DOCK9: variants seen among roughly 807,000 people sequenced by gnomAD.
DOCK9 encodes dedicator of cytokinesis protein 9.
In DOCK9, 89 loss-of-function variants were observed where a neutral mutation model predicts 263.3. The ratio of observed to expected loss-of-function variants is 0.34; its 90% CI spans 0.28 to 0.40. The LOEUF (loss-of-function observed/expected upper bound fraction) is 0.40, where lower values mean the gene tolerates loss of function less well. Among genes scored for constraint, DOCK9 ranks in the 10% least tolerant of loss-of-function variants. DOCK9 has a pLI of 1.00. For synonymous variants in DOCK9, 976 were observed against 973.1 expected (o/e 1.00, Z -0.06); for missense variants, 2,140 against 2,603.4 (o/e 0.82, Z 3.87).
At chr13:98,956,620 G>A (rs1234594584) in intron 1 of DOCK9, among the ~76,000 whole-genome samples, 1 of 152,026 alleles carries the variant, frequency 6.6e-6, no homozygotes, top group Non-Finnish European at 1.5e-5. Context: ...GGTGGCATAC[G>A]CTTGTAATCC....
intron 30 of DOCK9, among the ~76,000 whole-genome samples, chr13:98,866,123 CT>C (rs2094014196): frequency 6.6e-6 from 1 of 152,156 alleles, no homozygotes; most frequent in African/African-American, 2.4e-5. Flanking sequence ...GCCACCCTGT[CT>C]CAAATGTCAC....
At chr13:99,082,519 CAA>C (rs201597103) in intron 1 of DOCK9, among the ~76,000 whole-genome samples, 14 of 134,764 alleles carry the variant, frequency 1.0e-4, no homozygotes, top group Non-Finnish European at 1.8e-4. Context: ...GACTCCATCT[CAA>C]AAAAATAATA....
rs2091177108 is a variant in DOCK9 at position 98,810,212 on chromosome 13, T to C, written c.5210A>G (p.Tyr1737Cys). Residue 1737 changes from tyrosine to cysteine, a missense_variant, in exon 46 of 53, where the codon TAC becomes TGC. Transcript: ENST00000682017. ...CTCATAAATGGGGATGATAAGTTTG[T>C]AGATGTCGGCGATGAGCTCGTAGCG... ...AERYELIADI[Y>C]KLIIPIYEKR... The C allele has an allele frequency of 6.2e-7, 1 of 1,613,978 alleles. No individual in the cohort carries two copies. The highest frequency in any genetic ancestry group is 1.3e-5 in the African/African-American group (1 of 75,062).
intron 6 of DOCK9, 57 bp from the exon 7 acceptor site, chr13:98,921,145 T>G: frequency 9.9e-6 from 15 of 1,519,482 alleles, no homozygotes; most frequent in Non-Finnish European, 1.2e-5. Flanking sequence ...TCACAATCTC[T>G]ATCAATAACC....
rs1329338484 is a variant in DOCK9, at chr13:98,925,723, A to G, written c.416+114T>C. 4 of 665,688 alleles carry G rather than the reference A, an allele frequency of 6.0e-6. No individual in the cohort carries two copies. The South Asian group carries it at 7.0e-5, about 12-fold the overall frequency. 41.2% of individuals were successfully genotyped at this position (665,688 alleles called of 1,614,324 possible). A position where few individuals can be genotyped will look rare whatever the true frequency, so the allele number is the denominator to read the frequency against. Reference sequence around the variant, plus strand: ...CAATAGTTACACCACATACACATAAACCATCTAAAAATATTTTCCTCAATT... The same window carrying G: ...CAATAGTTACACCACATACACATAAGCCATCTAAAAATATTTTCCTCAATT... On this transcript the variant is annotated intron_variant, in intron 4 of 52. Transcript: ENST00000682017.
intron 1 of DOCK9, among the ~76,000 whole-genome samples, chr13:99,018,806 A>G (rs771837671): frequency 9.2e-5 from 14 of 152,208 alleles, no homozygotes; most frequent in Non-Finnish European, 1.9e-4. Flanking sequence ...CACCTAAAAG[A>G]GTATATATTT....
chr13:99,055,393 C>T (rs372251199), intron 1 of DOCK9, among the ~76,000 whole-genome samples: 2 of 152,246 alleles, frequency 1.3e-5, no homozygotes, highest in Admixed American at 6.5e-5. Context: ...AAGGAAGAGG[C>T]GATTCTGTGT....
At chr13:98,907,928 C>T (rs962238147) in intron 9 of DOCK9, among the ~76,000 whole-genome samples, 8 of 152,108 alleles carry the variant, frequency 5.3e-5, no homozygotes, top group African/African-American at 1.9e-4. Flanking sequence ...ACCCTAAGTG[C>T]CCATTTTAAT....
chr13:99,032,006 T>C (rs1371664288), intron 1 of DOCK9, among the ~76,000 whole-genome samples: 2 of 152,158 alleles, frequency 1.3e-5, no homozygotes, highest in Admixed American at 6.5e-5. Context: ...CTGGGTTAAA[T>C]ATATTATGTA....
rs544902661 is a variant in DOCK9 at position 98,796,977 on chromosome 13, T to A, written c.6156+138A>T. On this transcript the variant is annotated intron_variant, in intron 52 of 52. Transcript: ENST00000682017. Reference sequence around the variant, plus strand: ...TCCCAAATGACCTGGGGCTAGAGCATGGCAGGAGTGTGGTATGCTACATTC... The same window carrying A: ...TCCCAAATGACCTGGGGCTAGAGCAAGGCAGGAGTGTGGTATGCTACATTC... 1.0e-4 allele frequency: 89 copies of A among 872,812 alleles called. No individual in the cohort carries two copies. The East Asian group carries it at 2.2e-3, about 22-fold the overall frequency. 54.1% of individuals were successfully genotyped at this position (872,812 alleles called of 1,614,324 possible).
chr13:98,803,342 A>G (rs1299184983), intron 49 of DOCK9, among the ~76,000 whole-genome samples: 1 of 152,210 alleles, frequency 6.6e-6, no homozygotes, highest in African/African-American at 2.4e-5. Flanking sequence ...GAATCCGTAC[A>G]CTGCCTTAAC....
chr13:98,880,495 G>A (rs1436423756), intron 26 of DOCK9, 52 bp downstream of exon 26: 2 of 1,611,070 alleles, frequency 1.2e-6, no homozygotes, highest in African/African-American at 1.3e-5. Flanking sequence ...GCTGTGGAGT[G>A]AATTCCTGTT....
At chr13:99,086,118 G>C (rs61970775) in intron 1 of DOCK9, 11 of 1,347,904 alleles carry the variant, frequency 8.2e-6, no homozygotes, top group African/African-American at 3.1e-5. Context: ...CAGCAGGGTC[G>C]GCCGCTCTGC....
chr13:98,836,692 G>A (rs1312922899), intron 39 of DOCK9, among the ~76,000 whole-genome samples: 1 of 152,156 alleles, frequency 6.6e-6, no homozygotes. Context: ...GCTAAGGAGA[G>A]TAAAGGTATA....
intron 2 of DOCK9, among the ~76,000 whole-genome samples, chr13:98,932,519 C>G (rs939552277): frequency 6.6e-6 from 1 of 152,220 alleles, no homozygotes; most frequent in Non-Finnish European, 1.5e-5. Context: ...TGGCAAATGA[C>G]TACACTGGGA....
chr13:98,827,541 C>T (rs2092592201), intron 43 of DOCK9, among the ~76,000 whole-genome samples: 1 of 152,228 alleles, frequency 6.6e-6, no homozygotes, highest in Non-Finnish European at 1.5e-5. Context: ...AGCGCCACCA[C>T]GTGGTGCCCT....
In DOCK9 at chr13:98,950,293, T is replaced by C. The variant is rs1207969592; in HGVS notation, c.243+5142A>G. The C allele has an allele frequency of 9.1e-6, 7 of 765,036 alleles. No homozygotes were observed. In the East Asian group the frequency reaches 1.8e-4, roughly 20 times the overall value. 47.4% of individuals were successfully genotyped at this position (765,036 alleles called of 1,614,324 possible). ...CCACGAGGAATCATATAGGAATGATTCCAGTCGCTTAAACCTGAGCTGTTT... is the reference window on the plus strand; with the variant it reads ...CCACGAGGAATCATATAGGAATGATCCCAGTCGCTTAAACCTGAGCTGTTT... On this transcript the variant is annotated intron_variant, in intron 2 of 52. Transcript: ENST00000682017.
chr13:98,984,913 CTA>C (rs1460374481), intron 1 of DOCK9, among the ~76,000 whole-genome samples: 3 of 152,158 alleles, frequency 2.0e-5, no homozygotes, highest in Admixed American at 6.5e-5. Context: ...CACTGACCTA[CTA>C]TATACAAAAG....
intron 13 of DOCK9, among the ~76,000 whole-genome samples, chr13:98,898,999 A>G (rs1402835251): frequency 6.6e-6 from 1 of 151,856 alleles, no homozygotes; most frequent in African/African-American, 2.4e-5. Context: ...TTTGTCATCA[A>G]TGCAAAGTTT....
Sources: gnomAD v4.1 joint callset for allele counts (sites outside exome capture counted in the v4.1 genomes callset) on GRCh38, gnomAD v4.1.1 for gene constraint, MANE v1.5 for transcripts, NCBI Gene and HGNC (gene_info 2026-07-23, HGNC 2026-07-21) for gene names.